The following CTNNA2 variants were observed in gnomAD, a reference collection of about 807,000 sequenced individuals.
CTNNA2 encodes catenin alpha 2, also known as catenin alpha-2.
CTNNA2 carries 42 observed loss-of-function variants against 101.0 expected under a neutral mutation model. The observed-to-expected ratio is 0.42, with a 90% CI of 0.32 to 0.54. The LOEUF (loss-of-function observed/expected upper bound fraction) is 0.54. Among genes scored for constraint, CTNNA2 ranks in the 20% least tolerant of loss-of-function variants. CTNNA2 has a pLI of 0.14. For synonymous variants in CTNNA2, 450 were observed against 456.4 expected (o/e 0.99, Z 0.18); for missense variants, 871 against 1,223.1 (o/e 0.71, Z 4.29).
intron 3 of CTNNA2, among the ~76,000 whole-genome samples, chr2:79,780,977 C>T (rs888614569): frequency 1.3e-5 from 2 of 151,924 alleles, no homozygotes; most frequent in Non-Finnish European, 1.5e-5. Flanking sequence ...CAATCCAGAC[C>T]CCAAGAGAGG....
At chr2:79,787,060 G>A (rs1472379664) in intron 3 of CTNNA2, among the ~76,000 whole-genome samples, 1 of 151,934 alleles carries the variant, frequency 6.6e-6, no homozygotes, top group African/African-American at 2.4e-5. Context: ...CACCCTTACT[G>A]AAAACTCATT....
intron 1 of CTNNA2, among the ~76,000 whole-genome samples, chr2:79,639,462 G>A (rs1477348230): frequency 6.6e-6 from 1 of 152,004 alleles, no homozygotes; most frequent in Non-Finnish European, 1.5e-5. Flanking sequence ...TAATTGAGAA[G>A]CATTAGATTC....
chr2:79,592,736 C>T (rs7587521), intron 1 of CTNNA2, among the ~76,000 whole-genome samples: 97,006 of 152,006 alleles, frequency 0.64, 31,890 homozygotes, highest in South Asian at 0.73. Context: ...TCTACAGTGC[C>T]CAGTCCTCTG....
intron 4 of CTNNA2, among the ~76,000 whole-genome samples, chr2:79,484,669 C>T (rs1326521345): frequency 1.3e-5 from 2 of 152,098 alleles, no homozygotes; most frequent in Non-Finnish European, 2.9e-5. Context: ...CACACGAATA[C>T]TTTTATAGGT....
intron 2 of CTNNA2, among the ~76,000 whole-genome samples, chr2:79,654,123 AAC>A (rs541345706): frequency 4.3e-4 from 65 of 152,296 alleles, no homozygotes; most frequent in African/African-American, 1.4e-3. Context: ...TATTTTTAAT[AAC>A]AGTCTGTTCA....
chr2:79,977,179 T>A (rs1192578224), intron 7 of CTNNA2, among the ~76,000 whole-genome samples: 1 of 151,440 alleles, frequency 6.6e-6, no homozygotes, highest in Non-Finnish European at 1.5e-5. Context: ...GCATGAGTGA[T>A]GTAATTGCAA....
At chr2:80,475,934 A>T (rs4852565) in intron 9 of CTNNA2, among the ~76,000 whole-genome samples, 59,970 of 151,970 alleles carry the variant, frequency 0.39, 12,977 homozygotes, top group East Asian at 0.75. Flanking sequence ...AATTCTGGCA[A>T]TCTGGGGTCA....
At chr2:79,249,201 G>A (rs1174646038) in intron 2 of CTNNA2, among the ~76,000 whole-genome samples, 1 of 152,150 alleles carries the variant, frequency 6.6e-6, no homozygotes, top group East Asian at 1.9e-4. Context: ...CTGACACATA[G>A]CTAATTTATG....
At chr2:80,417,016 T>TC (rs1437279626) in intron 8 of CTNNA2, among the ~76,000 whole-genome samples, 1 of 152,110 alleles carries the variant, frequency 6.6e-6, no homozygotes, top group African/African-American at 2.4e-5. Flanking sequence ...TGCAGTTTTT[T>TC]CCCCCTCGTT....
intron 2 of CTNNA2, among the ~76,000 whole-genome samples, chr2:79,286,622 T>C (rs1212990281): frequency 1.3e-5 from 2 of 152,318 alleles, no homozygotes; most frequent in African/African-American, 4.8e-5. Context: ...CCGAGAGATC[T>C]GCTGTTAGTC....
chr2:79,414,779 C>G (rs1280087610), intron 4 of CTNNA2, among the ~76,000 whole-genome samples: 2 of 152,002 alleles, frequency 1.3e-5, no homozygotes, highest in African/African-American at 4.8e-5. Flanking sequence ...AAGGGAGGCC[C>G]AGCTGTTAGA....
chr2:79,961,849 C>G (rs1423126155), intron 7 of CTNNA2, among the ~76,000 whole-genome samples: 1 of 147,276 alleles, frequency 6.8e-6, no homozygotes, highest in African/African-American at 2.5e-5. Context: ...AAAAAGCTGG[C>G]TCTGTTGCCA....
At chr2:79,940,458 A>G (rs145191522) in intron 7 of CTNNA2, among the ~76,000 whole-genome samples, 1 of 152,308 alleles carries the variant, frequency 6.6e-6, no homozygotes, top group African/African-American at 2.4e-5. Context: ...CATTGCTGCT[A>G]TTATAAATCT....
At chr2:79,236,424 C>A (rs939611269) in intron 2 of CTNNA2, among the ~76,000 whole-genome samples, 1 of 152,198 alleles carries the variant, frequency 6.6e-6, no homozygotes, top group Non-Finnish European at 1.5e-5. Context: ...TGAACCACTG[C>A]ACCTTTAAGT....
At chr2:79,888,292 C>G (rs1337139456) in intron 6 of CTNNA2, among the ~76,000 whole-genome samples, 1 of 152,188 alleles carries the variant, frequency 6.6e-6, no homozygotes, top group African/African-American at 2.4e-5. Flanking sequence ...ACAACATAGT[C>G]TTCACTGCTT....
At chr2:79,188,225 A>G (rs1425119118) in intron 1 of CTNNA2, among the ~76,000 whole-genome samples, 2 of 152,212 alleles carry the variant, frequency 1.3e-5, no homozygotes, top group East Asian at 3.8e-4. Flanking sequence ...TCTAGACTAG[A>G]TAAAATAGAG....
chr2:79,755,789 G>C (rs1433938834), intron 3 of CTNNA2, among the ~76,000 whole-genome samples: 1 of 152,070 alleles, frequency 6.6e-6, no homozygotes, highest in Non-Finnish European at 1.5e-5. Flanking sequence ...TCTTTGCCAT[G>C]GAAAAGTATG....
chr2:79,792,485 A>T (rs536063935), intron 3 of CTNNA2, among the ~76,000 whole-genome samples: 1 of 152,138 alleles, frequency 6.6e-6, no homozygotes, highest in Non-Finnish European at 1.5e-5. Context: ...AATGTCTTAG[A>T]TCCTGTGACA....
chr2:79,386,529 T>C (rs554652033), intron 4 of CTNNA2, among the ~76,000 whole-genome samples: 44 of 152,358 alleles, frequency 2.9e-4, no homozygotes, highest in African/African-American at 1.0e-3. Context: ...TTCTTCTTAA[T>C]GAAAACATAA....
Sources: gnomAD v4.1 joint callset for allele counts (sites outside exome capture counted in the v4.1 genomes callset) on GRCh38, gnomAD v4.1.1 for gene constraint, MANE v1.5 for transcripts, NCBI Gene and HGNC (gene_info 2026-07-23, HGNC 2026-07-21) for gene names.